Variants in DNAJC3 observed in about 807,000 individuals in gnomAD.
The protein encoded by DNAJC3 is DnaJ heat shock protein family (Hsp40) member C3.
In DNAJC3, 38 loss-of-function variants were observed where a neutral mutation model predicts 68.6. The ratio of observed to expected loss-of-function variants is 0.55; its 90% CI spans 0.43 to 0.73. DNAJC3 has a LOEUF of 0.73. DNAJC3 is among the 30% of genes least tolerant of loss of function. The pLI is 0.00. For missense variants in DNAJC3, 526 were observed against 591.9 expected (o/e 0.89, Z 1.16); for synonymous variants, 203 against 204.0 (o/e 1.00, Z 0.04).
Position 95,786,000 on chromosome 13 carries a change from T to C in DNAJC3, c.1137T>C (p.Gly379=). 6.2e-7 allele frequency: 1 copy of C among 1,612,412 alleles called. No individual in the cohort carries two copies. The highest frequency in any genetic ancestry group is 1.6e-4 in the Middle Eastern group (1 of 6,062). ...AAAATGATCAGCAGATTCGAGAAGG[T>C]CTAGAGAAAGCACAAAGATTATTGA... ...HNENDQQIRE[G]LEKAQRLLKQ... The change falls in exon 10 of 12, where the codon GGT becomes GGC. Residue 379 remains glycine, a synonymous_variant. Coordinates refer to ENST00000602402, the MANE Select transcript of DNAJC3 (RefSeq NM_006260.5).
intron 9 of DNAJC3, among the ~76,000 whole-genome samples, chr13:95,773,030 T>G (rs1883196219): frequency 6.6e-6 from 1 of 151,928 alleles, no homozygotes; most frequent in South Asian, 2.1e-4. Context: ...AAGAGTCATA[T>G]AAGATTGGTG....
At chr13:95,699,571 T>TG (rs992052226) in intron 1 of DNAJC3, among the ~76,000 whole-genome samples, 1 of 152,198 alleles carries the variant, frequency 6.6e-6, no homozygotes, top group African/African-American at 2.4e-5. Context: ...CTGGTTTACA[T>TG]GGGGAAAAGG....
chr13:95,728,431 G>A (rs556991142), intron 4 of DNAJC3, among the ~76,000 whole-genome samples: 1 of 152,252 alleles, frequency 6.6e-6, no homozygotes, highest in Admixed American at 6.5e-5. Context: ...TAATGATGTT[G>A]AACATCGTTT....
intron 4 of DNAJC3, among the ~76,000 whole-genome samples, chr13:95,734,081 T>C (rs1329465726): frequency 6.6e-6 from 1 of 152,210 alleles, no homozygotes; most frequent in Non-Finnish European, 1.5e-5. Flanking sequence ...GGTGGTTTTC[T>C]GTAGTGGTAA....
intron 1 of DNAJC3, among the ~76,000 whole-genome samples, chr13:95,690,941 G>T (rs551923300): frequency 2.2e-5 from 3 of 133,548 alleles, no homozygotes; most frequent in Non-Finnish European, 4.8e-5. Flanking sequence ...CCTCCCTCCC[G>T]GACGGGGCGG....
At chr13:95,739,380 G>T (rs546958996) in intron 4 of DNAJC3, among the ~76,000 whole-genome samples, 2 of 151,246 alleles carry the variant, frequency 1.3e-5, no homozygotes, top group African/African-American at 4.9e-5. Context: ...TGCCTTGCTA[G>T]ATTGGGGAAG....
intron 4 of DNAJC3, among the ~76,000 whole-genome samples, chr13:95,727,194 GT>G (rs796640225): frequency 0.013 from 1,941 of 146,294 alleles, 36 homozygotes; most frequent in African/African-American, 0.041. Context: ...TGTTACTTAG[GT>G]TTTTTTTTTT....
intron 4 of DNAJC3, among the ~76,000 whole-genome samples, chr13:95,737,818 T>C (rs1467368767): frequency 2.2e-5 from 3 of 136,556 alleles, no homozygotes; most frequent in Non-Finnish European, 3.1e-5. Context: ...GTGTCTCTAT[T>C]TCCTTCAGTT....
At chr13:95,764,154 T>C (rs1882903451) in intron 9 of DNAJC3, among the ~76,000 whole-genome samples, 1 of 152,154 alleles carries the variant, frequency 6.6e-6, no homozygotes, top group Non-Finnish European at 1.5e-5. Context: ...GTTCTGCCAT[T>C]GAAACCAGTT....
intron 2 of DNAJC3, among the ~76,000 whole-genome samples, chr13:95,720,462 G>T (rs989999353): frequency 6.6e-6 from 1 of 152,202 alleles, no homozygotes; most frequent in East Asian, 1.9e-4. Flanking sequence ...GACACGCAGT[G>T]AACTGCCTTT....
chr13:95,747,265 A>G (rs1358802463), intron 4 of DNAJC3, among the ~76,000 whole-genome samples: 1 of 152,230 alleles, frequency 6.6e-6, no homozygotes, highest in Non-Finnish European at 1.5e-5. Flanking sequence ...CAAATATGAT[A>G]TATGATAAGT....
intron 9 of DNAJC3, among the ~76,000 whole-genome samples, chr13:95,778,605 G>A (rs1883350511): frequency 1.3e-5 from 2 of 152,168 alleles, no homozygotes; most frequent in Non-Finnish European, 2.9e-5. Flanking sequence ...AATACTGTAT[G>A]AATCTACTTA....
intron 2 of DNAJC3, among the ~76,000 whole-genome samples, chr13:95,719,592 A>T (rs1881255356): frequency 6.6e-6 from 1 of 152,174 alleles, no homozygotes; most frequent in African/African-American, 2.4e-5. Flanking sequence ...CAAAAAAGTA[A>T]TCACTCCAGA....
chr13:95,790,178 C>T (rs1883723604), intron 11 of DNAJC3, among the ~76,000 whole-genome samples: 1 of 152,214 alleles, frequency 6.6e-6, no homozygotes, highest in Non-Finnish European at 1.5e-5. Flanking sequence ...GCAATCTTTG[C>T]TCATACCTAT....
rs531937812 is a variant in DNAJC3, at chr13:95,744,158, T to C, written c.394-13486T>C. On this transcript the variant is annotated intron_variant, in intron 4 of 11. Transcript: ENST00000602402. ...TATTTTTCATCAGCAATTTTTAATT[T>C]AATATACAGATACTGTATGTGTTTT... 2.0e-5 allele frequency among the ~76,000 whole-genome samples: 3 copies of C among 152,338 alleles called. No homozygotes were observed. In the South Asian group the frequency reaches 6.2e-4, roughly 32 times the overall value.
At chr13:95,777,611 T>C (rs1396708036) in intron 9 of DNAJC3, among the ~76,000 whole-genome samples, 1 of 152,194 alleles carries the variant, frequency 6.6e-6, no homozygotes, top group Non-Finnish European at 1.5e-5. Flanking sequence ...TAAATTATAA[T>C]AAAAAGGTTC....
chr13:95,764,038 A>T, intron 9 of DNAJC3, 85 bp downstream of exon 9: 2 of 1,543,204 alleles, frequency 1.3e-6, no homozygotes, highest in Non-Finnish European at 1.7e-6. Flanking sequence ...CTTAAAACAA[A>T]TTTACCAGAG....
intron 1 of DNAJC3, among the ~76,000 whole-genome samples, chr13:95,686,020 G>A (rs1880065722): frequency 6.6e-6 from 1 of 151,102 alleles, no homozygotes; most frequent in African/African-American, 2.4e-5. Flanking sequence ...GGAATGCAGT[G>A]GCACGATCTT....
At chr13:95,755,012 C>T (rs1163020547) in intron 4 of DNAJC3, among the ~76,000 whole-genome samples, 1 of 151,708 alleles carries the variant, frequency 6.6e-6, no homozygotes. Context: ...ATGTGAAAGC[C>T]CTAAGGAAGA....
Sources: allele counts gnomAD v4.1 joint callset (sites outside exome capture counted in the v4.1 genomes callset), GRCh38; gene constraint gnomAD v4.1.1; transcripts MANE v1.5; gene names NCBI Gene and HGNC (gene_info 2026-07-23, HGNC 2026-07-21).